The following DPYD variants were observed in gnomAD, a reference collection of about 807,000 sequenced individuals.
DPYD encodes the protein dihydropyrimidine dehydrogenase.
A neutral mutation model predicts 116.2 loss-of-function variants in DPYD; 109 were observed. The observed-to-expected ratio is 0.94, with a 90% CI of 0.80 to 1.10. The LOEUF is 1.10. Among genes scored for constraint, DPYD ranks in the 50% least tolerant of loss-of-function variants. The pLI is 0.00. For synonymous variants in DPYD, 440 were observed against 432.0 expected (o/e 1.02, Z -0.23); for missense variants, 1,302 against 1,254.5 (o/e 1.04, Z -0.57).
chr1:97,731,215 A>G (rs1571264285), intron 4 of DPYD, among the ~76,000 whole-genome samples: 1 of 152,214 alleles, frequency 6.6e-6, no homozygotes, highest in African/African-American at 2.4e-5. Flanking sequence ...TATTGACGAG[A>G]ATATGAGCAA....
chr1:97,100,100 T>A (rs1377240071), intron 20 of DPYD, among the ~76,000 whole-genome samples: 1 of 152,110 alleles, frequency 6.6e-6, no homozygotes, highest in Non-Finnish European at 1.5e-5. Context: ...GTTGCAGTAA[T>A]ATGAAATGAT....
At chr1:97,089,209 C>T (rs780958439) in intron 21 of DPYD, among the ~76,000 whole-genome samples, 8 of 152,102 alleles carry the variant, frequency 5.3e-5, no homozygotes, top group Non-Finnish European at 8.8e-5. Context: ...AATTCAAAGA[C>T]GTTAGAGATA....
intron 18 of DPYD, 123 bp from the exon 19 acceptor site, chr1:97,235,117 C>T: frequency 8.7e-7 from 1 of 1,147,022 alleles, no homozygotes; most frequent in East Asian, 2.4e-5. Context: ...TACTTTATCT[C>T]TGTTTAAGAT....
intron 13 of DPYD, among the ~76,000 whole-genome samples, chr1:97,466,794 C>T (rs1024050642): frequency 6.6e-6 from 1 of 152,080 alleles, no homozygotes; most frequent in Non-Finnish European, 1.5e-5. Context: ...ACCTACCTGC[C>T]TAATTTTCTA....
At chr1:97,481,757 C>T (rs1484432568) in intron 13 of DPYD, among the ~76,000 whole-genome samples, 9 of 152,066 alleles carry the variant, frequency 5.9e-5, no homozygotes. Flanking sequence ...GTCATGATTC[C>T]TTTGGTTATA....
chr1:97,775,547 T>C (rs1257329762), intron 3 of DPYD, among the ~76,000 whole-genome samples: 1 of 152,228 alleles, frequency 6.6e-6, no homozygotes, highest in Non-Finnish European at 1.5e-5. Context: ...ACATCTCTGA[T>C]TATTGGTTAT....
intron 3 of DPYD, among the ~76,000 whole-genome samples, chr1:97,745,156 G>A (rs571598939): frequency 1.3e-5 from 2 of 152,064 alleles, no homozygotes; most frequent in South Asian, 4.2e-4. Context: ...ATAGCTTAGG[G>A]CTATCTGGAA....
intron 8 of DPYD, among the ~76,000 whole-genome samples, chr1:97,653,823 C>A (rs1272451474): frequency 2.6e-5 from 4 of 152,226 alleles, no homozygotes; most frequent in East Asian, 3.9e-4. Flanking sequence ...TCCAGACACA[C>A]ATACATAAAC....
At chr1:97,835,792 A>G (rs1669742285) in intron 2 of DPYD, among the ~76,000 whole-genome samples, 1 of 152,146 alleles carries the variant, frequency 6.6e-6, no homozygotes, top group Admixed American at 6.5e-5. Flanking sequence ...AAACTATTAT[A>G]CAAATATTGA....
At chr1:97,686,331 A>C (rs1181166356) in intron 7 of DPYD, among the ~76,000 whole-genome samples, 1 of 152,166 alleles carries the variant, frequency 6.6e-6, no homozygotes, top group Non-Finnish European at 1.5e-5. Context: ...AATTAACTCA[A>C]GATGGATTAA....
At chr1:97,380,738 G>A (rs1671909044) in intron 15 of DPYD, among the ~76,000 whole-genome samples, 1 of 152,154 alleles carries the variant, frequency 6.6e-6, no homozygotes. Flanking sequence ...AAATGTATAT[G>A]TTAGGTAGTA....
intron 3 of DPYD, among the ~76,000 whole-genome samples, chr1:97,758,375 C>T (rs1474048637): frequency 7.0e-6 from 1 of 141,914 alleles, no homozygotes; most frequent in African/African-American, 2.6e-5. Context: ...AAAAAAAAAA[C>T]AGTTTCATTT....
chr1:97,810,636 A>AT (rs2101385694), intron 3 of DPYD, among the ~76,000 whole-genome samples: 1 of 152,110 alleles, frequency 6.6e-6, no homozygotes, highest in South Asian at 2.1e-4. Context: ...TCTAATATCC[A>AT]TATTAGAGCT....
chr1:97,136,210 CAG>C (rs1208895299), intron 20 of DPYD, among the ~76,000 whole-genome samples: 2 of 152,194 alleles, frequency 1.3e-5, no homozygotes, highest in Non-Finnish European at 2.9e-5. Context: ...GATCCTAAAT[CAG>C]AGTCTCCATT....
chr1:97,382,351 G>A, intron 15 of DPYD, 42 bp downstream of exon 15: 5 of 1,219,222 alleles, frequency 4.1e-6, no homozygotes, highest in Non-Finnish European at 4.6e-6. Flanking sequence ...ATAAAAATAG[G>A]AGAGAAGAAA....
intron 13 of DPYD, among the ~76,000 whole-genome samples, chr1:97,455,445 T>G (rs1462694885): frequency 6.6e-6 from 1 of 151,986 alleles, no homozygotes; most frequent in African/African-American, 2.4e-5. Context: ...AAAAATTAAA[T>G]GTACTTCATG....
rs12076346 is a variant in DPYD, at chr1:97,455,694, T to C, written c.1741-5471A>G. Among the ~76,000 whole-genome samples the C allele has an allele frequency of 8.2e-3, 1,247 of 152,004 alleles. 12 individuals carry two copies. Among genetic ancestry groups the C allele is most frequent in the African/African-American group, 0.028 (1,183 of 41,528 alleles). ...AGTTTCTAGAACAATTGCGCTACTA[T>C]GAAAGAACTCACTAACATTTTATTT... On this transcript the variant is annotated intron_variant, in intron 13 of 22. Coordinates refer to ENST00000370192, the MANE Select transcript of DPYD (RefSeq NM_000110.4).
Position 97,502,635 on chromosome 1 carries a change from A to T in DPYD, c.1740+13091T>A, listed in dbSNP as rs544189299. Among the ~76,000 whole-genome samples, 9 of 151,802 alleles carry T rather than the reference A, an allele frequency of 5.9e-5. 1 individual carries two copies. In the South Asian group the frequency reaches 1.9e-3, roughly 32 times the overall value. On this transcript the variant is annotated intron_variant, in intron 13 of 22. Coordinates refer to ENST00000370192, the MANE Select transcript of DPYD (RefSeq NM_000110.4). ...TTAGGATAAGAGTAGAAGCAGCAAG[A>T]CTCTTTTAGGAAGCTGGTATACTAT...
At chr1:97,451,071 A>C (rs939278364) in intron 13 of DPYD, among the ~76,000 whole-genome samples, 1 of 152,132 alleles carries the variant, frequency 6.6e-6, no homozygotes, top group Admixed American at 6.6e-5. Context: ...TCATTTAAGT[A>C]CCCCTCCTCA....
Sources: gnomAD v4.1 joint callset for allele counts (sites outside exome capture counted in the v4.1 genomes callset) on GRCh38, gnomAD v4.1.1 for gene constraint, MANE v1.5 for transcripts, NCBI Gene and HGNC (gene_info 2026-07-23, HGNC 2026-07-21) for gene names.